The following PRSS38 variants were observed in gnomAD, a reference collection of about 807,000 sequenced individuals.
PRSS38 encodes serine protease 38, also known as marapsin 2.
PRSS38 carries 22 observed loss-of-function variants against 26.8 expected under a neutral mutation model. The observed-to-expected ratio is 0.82, with a 90% CI of 0.59 to 1.17. PRSS38 has a LOEUF of 1.17. Among genes scored for constraint, PRSS38 ranks in the 50% most tolerant of loss-of-function variants. The probability of loss-of-function intolerance (pLI) is 0.00; values close to 1 mark genes in which losing one functional copy is unlikely to be tolerated. For missense variants in PRSS38, 427 were observed against 422.7 expected, an observed-to-expected ratio of 1.01 and a Z score of -0.09; for synonymous variants, 175 against 172.1, an observed-to-expected ratio of 1.02 and a Z score of -0.13.
intron 3 of PRSS38, among the ~76,000 whole-genome samples, chr1:227,833,658 C>G (rs1665195505): frequency 1.3e-5 from 2 of 152,146 alleles, no homozygotes; most frequent in South Asian, 4.1e-4. Context: ...ATTGAGAGTT[C>G]AGAATCACTG....
At chr1:227,824,371 C>A (rs1665042307) in intron 3 of PRSS38, among the ~76,000 whole-genome samples, 1 of 152,192 alleles carries the variant, frequency 6.6e-6, no homozygotes, top group African/African-American at 2.4e-5. Context: ...TGGCTTCCAA[C>A]TCCATCCATG....
At chr1:227,845,659 C>A in intron 4 of PRSS38, 47 bp downstream of exon 4, 1 of 1,588,358 alleles carries the variant, frequency 6.3e-7, no homozygotes, top group Non-Finnish European at 8.6e-7. Flanking sequence ...GTGCCCTGTG[C>A]CTGTGGACCC....
chr1:227,823,312 T>G (rs553797411), intron 3 of PRSS38, among the ~76,000 whole-genome samples: 2 of 151,586 alleles, frequency 1.3e-5, no homozygotes, highest in South Asian at 4.1e-4. Context: ...TGATATATAT[T>G]ATTTATTTAT....
At chr1:227,819,701 A>T (rs1353038427) in intron 3 of PRSS38, among the ~76,000 whole-genome samples, 1 of 152,166 alleles carries the variant, frequency 6.6e-6, no homozygotes, top group African/African-American at 2.4e-5. Context: ...CATTAAATTT[A>T]TTTCCAAGGT....
intron 3 of PRSS38, among the ~76,000 whole-genome samples, chr1:227,824,980 G>T (rs1038834755): frequency 6.6e-6 from 1 of 152,110 alleles, no homozygotes; most frequent in African/African-American, 2.4e-5. Context: ...ACCTTTGTCA[G>T]ATGGATAGAT....
At chr1:227,830,136 C>T (rs1665132030) in intron 3 of PRSS38, among the ~76,000 whole-genome samples, 1 of 152,012 alleles carries the variant, frequency 6.6e-6, no homozygotes, top group Admixed American at 6.6e-5. Context: ...TGTGATTAAT[C>T]CCTCTTGGTC....
At chr1:227,837,105 C>A (rs2102683041) in intron 3 of PRSS38, among the ~76,000 whole-genome samples, 1 of 152,332 alleles carries the variant, frequency 6.6e-6, no homozygotes, top group Non-Finnish European at 1.5e-5. Context: ...ATCCTCCTGC[C>A]TCAGCCTTCA....
chr1:227,831,601 G>A (rs1052364510), intron 3 of PRSS38, among the ~76,000 whole-genome samples: 75 of 152,234 alleles, frequency 4.9e-4, no homozygotes, highest in African/African-American at 1.7e-3. Flanking sequence ...TGGGCCAGGC[G>A]CGATGGCTCA....
chr1:227,815,843 A>C, exon 1 of PRSS38: 8 of 1,610,768 alleles, frequency 5.0e-6, no homozygotes, highest in Non-Finnish European at 5.9e-6. Context: ...GAACCAGGGA[A>C]TCTCCCTAAC....
chr1:227,844,318 G>T (rs1006292238), intron 3 of PRSS38, among the ~76,000 whole-genome samples: 2 of 152,060 alleles, frequency 1.3e-5, no homozygotes. Flanking sequence ...TCTGATCAAG[G>T]CTTCCTCCCC....
In PRSS38 at chr1:227,816,083, C is replaced by G. The variant is rs1157736204; in HGVS notation, c.149-7C>G. The stretch of plus-strand genomic sequence containing the variant: ...TGGCTCCACCGTCAGCTCCGTTCTC[C>G]CTGCAGCCTGTGGTCGGCCCAGCAT... On this transcript the variant is annotated splice_polypyrimidine_tract_variant and splice_region_variant and intron_variant, in intron 1 of 4. Transcript: ENST00000366757. The surrounding 1 kb of genome is among the most constrained non-coding windows in gnomAD (Gnocchi z 5.1). 1 of 1,610,780 alleles carries G rather than the reference C, an allele frequency of 6.2e-7. No individual in the cohort carries two copies. Among genetic ancestry groups the G allele is most frequent in the East Asian group, 2.2e-5 (1 of 44,796 alleles).
intron 1 of PRSS38, 51 bp downstream of exon 1, chr1:227,815,915 G>T: frequency 1.3e-6 from 2 of 1,554,450 alleles, no homozygotes; most frequent in South Asian, 1.2e-5. Context: ...TGCCCTTGGG[G>T]CGTCTGTCGG....
In PRSS38 at chr1:227,816,148, G is replaced by A. The variant is rs1409377284; in HGVS notation, c.207G>A (p.Arg69=). 1 of 1,613,804 alleles carries A rather than the reference G, an allele frequency of 6.2e-7. No homozygotes were observed. Among genetic ancestry groups the A allele is most frequent in the South Asian group, 1.1e-5 (1 of 91,082 alleles). ...TGGGCGGCGTCCCTGCGCCCGAGAG[G>A]AAGTGGCCGTGGCAGGTCAGCGTGC... The change falls in exon 2 of 5, where the codon AGG becomes AGA. Residue 69 remains arginine, a synonymous_variant. Coordinates refer to ENST00000366757, the Ensembl canonical transcript of PRSS38. This position sits in a 1 kb window ranked among gnomAD's most constrained non-coding sequence, Gnocchi z 5.1.
chr1:227,840,303 G>C (rs1473056060), intron 3 of PRSS38, among the ~76,000 whole-genome samples: 1 of 151,884 alleles, frequency 6.6e-6, no homozygotes, highest in East Asian at 1.9e-4. Flanking sequence ...TGTATTTTTT[G>C]TAGAGATGGG....
chr1:227,844,175 G>A (rs1340332351), intron 3 of PRSS38, among the ~76,000 whole-genome samples: 2 of 152,184 alleles, frequency 1.3e-5, no homozygotes, highest in South Asian at 4.1e-4. Flanking sequence ...ACACAGGATT[G>A]GGGTTAGGGC....
chr1:227,832,655 C>G (rs1267282297), intron 3 of PRSS38, among the ~76,000 whole-genome samples: 2 of 152,114 alleles, frequency 1.3e-5, no homozygotes, highest in Admixed American at 6.5e-5. Flanking sequence ...AAGCTCTAGA[C>G]AGACAAATTA....
At chr1:227,846,241 T>C in exon 5 of PRSS38, 1 of 1,597,926 alleles carries the variant, frequency 6.3e-7, no homozygotes, top group Middle Eastern at 2.1e-4. Context: ...TTCTCATGGC[T>C]GCACACCCTG....
intron 3 of PRSS38, among the ~76,000 whole-genome samples, chr1:227,826,776 A>G (rs374162762): frequency 1.1e-4 from 16 of 151,884 alleles, no homozygotes; most frequent in African/African-American, 3.9e-4. Context: ...AAGGGCAATG[A>G]CTGCCTCCAG....
chr1:227,845,567 C>T (rs746664326), exon 4 of PRSS38: 4 of 1,613,856 alleles, frequency 2.5e-6, no homozygotes, highest in South Asian at 2.2e-5. Flanking sequence ...TCATGCCCGA[C>T]ATGCTGTGTG....
Sources: allele counts gnomAD v4.1 joint callset (sites outside exome capture counted in the v4.1 genomes callset), GRCh38; gene constraint gnomAD v4.1.1; non-coding constraint Gnocchi (gnomAD v3.1); transcripts MANE v1.5; gene names NCBI Gene and HGNC (gene_info 2026-07-23, HGNC 2026-07-21).